PCDHGA3: variants seen among roughly 807,000 people sequenced by gnomAD.
PCDHGA3 encodes the protein protocadherin gamma-A3.
A neutral mutation model predicts 58.5 loss-of-function variants in PCDHGA3; 40 were observed. The ratio of observed to expected loss-of-function variants is 0.68; its 90% confidence interval spans 0.53 to 0.89. PCDHGA3 has a LOEUF of 0.89. Among genes scored for constraint, PCDHGA3 ranks in the 40% least tolerant of loss-of-function variants. The pLI, the probability that PCDHGA3 is intolerant of heterozygous loss-of-function variation, is 0.00. For missense variants in PCDHGA3, 1,223 were observed against 1,195.9 expected, an observed-to-expected ratio of 1.02 and a Z score of -0.33; for synonymous variants, 530 against 525.7, an observed-to-expected ratio of 1.01 and a Z score of -0.11.
chr5:141,390,322 C>G, intron 1 of PCDHGA3: 1 of 1,606,310 alleles, frequency 6.2e-7, no homozygotes, highest in South Asian at 1.1e-5. Context: ...CATTGCCTAC[C>G]CATTTCTCCA....
intron 1 of PCDHGA3, among the ~76,000 whole-genome samples, chr5:141,357,988 G>A (rs182499898): frequency 1.8e-4 from 27 of 152,224 alleles, no homozygotes; most frequent in African/African-American, 5.5e-4. Context: ...TCAGGAGTTC[G>A]AGACCAGTCT....
chr5:141,410,103 A>G, intron 1 of PCDHGA3: 1 of 1,612,622 alleles, frequency 6.2e-7, no homozygotes, highest in South Asian at 1.1e-5. Flanking sequence ...GCCTTAGGCG[A>G]CAGGGACGCA....
chr5:141,450,977 A>G (rs2098702822), intron 1 of PCDHGA3, among the ~76,000 whole-genome samples: 1 of 151,760 alleles, frequency 6.6e-6, no homozygotes, highest in African/African-American at 2.4e-5. Context: ...GGCATGTGCC[A>G]CCACACCCGG....
intron 1 of PCDHGA3, 22 bp downstream of exon 1, chr5:141,346,479 A>G: frequency 6.2e-7 from 1 of 1,613,494 alleles, no homozygotes; most frequent in Non-Finnish European, 8.5e-7. Flanking sequence ...TATTTCTTTG[A>G]TTATTAAGAA....
chr5:141,394,661 C>T (rs1471316947), intron 1 of PCDHGA3: 1 of 1,613,378 alleles, frequency 6.2e-7, no homozygotes, highest in Non-Finnish European at 8.5e-7. Flanking sequence ...AGCCGGGACT[C>T]TTCTCGGTGG....
At chr5:141,385,891 T>C (rs1366389515) in intron 1 of PCDHGA3, 2 of 152,892 alleles carry the variant, frequency 1.3e-5, no homozygotes, top group African/African-American at 4.8e-5. Flanking sequence ...AAGAATGAAA[T>C]GTGTGTGTAT....
chr5:141,465,777 C>G (rs2099109055), intron 1 of PCDHGA3, among the ~76,000 whole-genome samples: 2 of 151,768 alleles, frequency 1.3e-5, no homozygotes, highest in African/African-American at 2.4e-5. Flanking sequence ...TCTCTTGTTA[C>G]AGTTTTTTTT....
chr5:141,374,301 A>T, intron 1 of PCDHGA3: 1 of 1,613,996 alleles, frequency 6.2e-7, no homozygotes, highest in Non-Finnish European at 8.5e-7. Flanking sequence ...GGTAGGATGC[A>T]GCTTTTCTCT....
At chr5:141,391,618 TA>T (rs2092399304) in intron 1 of PCDHGA3, 3 of 152,366 alleles carry the variant, frequency 2.0e-5, no homozygotes, top group African/African-American at 7.2e-5. Flanking sequence ...TGAGTGGTTT[TA>T]AGAAAGTTTT....
chr5:141,432,481 C>G lies in PCDHGA3; in HGVS notation c.2425-62326C>G. 6.2e-7 allele frequency: 1 copy of G among 1,614,198 alleles called. No homozygotes were observed. On this transcript the variant is annotated intron_variant, in intron 1 of 3. Coordinates refer to ENST00000253812, the MANE Select transcript of PCDHGA3 (RefSeq NM_018916.4). This position sits in a 1 kb window ranked among gnomAD's most constrained non-coding sequence, Gnocchi z 6.0. ...CCCTCCCCACGGACGGTTCCACTGG[C>G]GTGGAGCTGGCTCCCCGCTCCGCAG...
intron 1 of PCDHGA3, chr5:141,399,623 C>A: frequency 6.2e-7 from 1 of 1,613,920 alleles, no homozygotes; most frequent in South Asian, 1.1e-5. Context: ...GCACTGGCCT[C>A]TTACGTGTCC....
At position 141,400,743 on chromosome 5, in the gene PCDHGA3, C is replaced by T. The variant is rs1404866842; in HGVS notation, c.2424+54286C>T. 6.5e-6 allele frequency: 4 copies of T among 611,214 alleles called. No individual in the cohort carries two copies. In the East Asian group the frequency reaches 1.1e-4, roughly 17 times the overall value. 37.9% of individuals were successfully genotyped at this position (611,214 alleles called of 1,614,324 possible). A position where few individuals can be genotyped will look rare whatever the true frequency, so the allele number is the denominator to read the frequency against. On this transcript the variant is annotated intron_variant, in intron 1 of 3. Coordinates refer to ENST00000253812, the MANE Select transcript of PCDHGA3 (RefSeq NM_018916.4). ...ATTTACAAAGTAGTGAGAGTTTGCTCTTAGCTTCCTCTCTAGCAAAAACAT... is the reference window on the plus strand; with the variant it reads ...ATTTACAAAGTAGTGAGAGTTTGCTTTTAGCTTCCTCTCTAGCAAAAACAT...
intron 1 of PCDHGA3, chr5:141,478,608 G>C (rs751033009): frequency 7.7e-6 from 12 of 1,558,942 alleles, no homozygotes; most frequent in Middle Eastern, 1.7e-4. Context: ...ATCATATTGA[G>C]GAAGGAATGG....
intron 1 of PCDHGA3, among the ~76,000 whole-genome samples, chr5:141,456,778 C>T (rs568292085): frequency 3.7e-4 from 57 of 152,242 alleles, no homozygotes; most frequent in African/African-American, 1.3e-3. Flanking sequence ...GCCTGGCCTA[C>T]ATGGCAAAAC....
intron 1 of PCDHGA3, among the ~76,000 whole-genome samples, chr5:141,467,854 T>C (rs1337373000): frequency 6.6e-6 from 1 of 151,968 alleles, no homozygotes; most frequent in Admixed American, 6.6e-5. Flanking sequence ...GAATGAGATT[T>C]CACCATGTTG....
At chr5:141,507,183 C>T (rs2099859036) in intron 3 of PCDHGA3, 1 of 152,428 alleles carries the variant, frequency 6.6e-6, no homozygotes, top group Non-Finnish European at 1.5e-5. Flanking sequence ...TCCTCGAGCT[C>T]TGCTTTATTC....
At chr5:141,441,831 C>T in intron 1 of PCDHGA3, 3 of 352,742 alleles carry the variant, frequency 8.5e-6, no homozygotes, top group South Asian at 7.2e-5. Context: ...AGCGCAATGG[C>T]TTCGCGCTCT....
At chr5:141,403,153 C>T (rs2094362720) in intron 1 of PCDHGA3, 2 of 1,614,060 alleles carry the variant, frequency 1.2e-6, no homozygotes, top group Non-Finnish European at 1.7e-6. Flanking sequence ...TCCGCATCGT[C>T]TCTAGAGGTA....
chr5:141,387,756 A>G, intron 1 of PCDHGA3: 1 of 1,413,288 alleles, frequency 7.1e-7, no homozygotes, highest in Non-Finnish European at 9.4e-7. Context: ...CTCCTCGGAA[A>G]AAGAAGAATT....
Sources: allele counts gnomAD v4.1 joint callset (sites outside exome capture counted in the v4.1 genomes callset), GRCh38; gene constraint gnomAD v4.1.1; non-coding constraint Gnocchi (gnomAD v3.1); transcripts MANE v1.5; gene names NCBI Gene and HGNC (gene_info 2026-07-23, HGNC 2026-07-21).